The following UBE2L3 variants were observed in gnomAD, a reference collection of about 807,000 sequenced individuals.
UBE2L3 encodes ubiquitin conjugating enzyme E2 L3.
In UBE2L3, 1 loss-of-function variant was observed where a neutral mutation model predicts 17.8. That is an observed-to-expected ratio of 0.06 (90% CI 0.02 to 0.27). The LOEUF is 0.27. UBE2L3 is among the 10% of genes least tolerant of loss of function. The pLI is 1.00. For missense variants in UBE2L3, 40 were observed against 192.6 expected, an observed-to-expected ratio of 0.21 and a Z score of 4.69; for synonymous variants, 44 against 68.5, an observed-to-expected ratio of 0.64 and a Z score of 1.76.
intron 1 of UBE2L3, among the ~76,000 whole-genome samples, chr22:21,583,759 A>G (rs914341811): frequency 1.3e-5 from 2 of 152,220 alleles, no homozygotes; most frequent in Non-Finnish European, 2.9e-5. Context: ...AGGTAGCATT[A>G]AAGAGTTTGG....
At chr22:21,563,509 C>G (rs1926523737), upstream of UBE2L3, among the ~76,000 whole-genome samples, 1 of 146,818 alleles carries the variant, frequency 6.8e-6, no homozygotes, top group Non-Finnish European at 1.5e-5. Flanking sequence ...TTGCAGTGAG[C>G]CGAGATCGCG....
At chr22:21,606,510 G>T (rs1468833443) in intron 2 of UBE2L3, among the ~76,000 whole-genome samples, 1 of 152,122 alleles carries the variant, frequency 6.6e-6, no homozygotes, top group African/African-American at 2.4e-5. Flanking sequence ...AAATGACAAT[G>T]ATGTTTACTT....
intron 2 of UBE2L3, 66 bp downstream of exon 2, chr22:21,593,022 T>G (rs1928341341): frequency 1.0e-5 from 15 of 1,443,282 alleles, no homozygotes. Context: ...GCTGTTGGGC[T>G]TGTTTTTCTG....
chr22:21,578,848 C>G (rs1927466993), intron 1 of UBE2L3, among the ~76,000 whole-genome samples: 1 of 152,076 alleles, frequency 6.6e-6, no homozygotes, highest in African/African-American at 2.4e-5. Context: ...AGTAAGAGTT[C>G]AGATGTAGAT....
At chr22:21,606,023 C>T (rs1929138521) in intron 2 of UBE2L3, among the ~76,000 whole-genome samples, 1 of 152,228 alleles carries the variant, frequency 6.6e-6, no homozygotes, top group Non-Finnish European at 1.5e-5. Flanking sequence ...ACTTTATAGT[C>T]CTTATCTCTC....
rs1928341069 is a variant in UBE2L3 at position 21,593,014 on chromosome 22, T to C, written c.123+58T>C. On this transcript the variant is annotated intron_variant, in intron 2 of 3. Transcript: ENST00000342192. ...TTATTCTTTAAGGTGATGTGTGTGC[T>C]GTTGGGCTTGTTTTTCTGCTCCTTA... 4 of 1,496,602 alleles carry C rather than the reference T, an allele frequency of 2.7e-6. No homozygotes were observed. In the African/African-American group the frequency reaches 5.5e-5, roughly 21 times the overall value. 92.7% of individuals were successfully genotyped at this position (1,496,602 alleles called of 1,614,324 possible). A position where few individuals can be genotyped will look rare whatever the true frequency, so the allele number is the denominator to read the frequency against.
intron 1 of UBE2L3, among the ~76,000 whole-genome samples, chr22:21,571,904 A>G (rs2148401075): frequency 6.6e-6 from 1 of 152,272 alleles, no homozygotes; most frequent in African/African-American, 2.4e-5. Flanking sequence ...CACATGTTTC[A>G]GGAGGTGAGG....
chr22:21,567,447 G>C (rs1926686313), upstream of UBE2L3: 1 of 430,924 alleles, frequency 2.3e-6, no homozygotes, highest in Admixed American at 4.4e-5. Flanking sequence ...ACAGGCGTGA[G>C]CCCCCGCGCC....
chr22:21,567,353 C>T (rs1926680087), upstream of UBE2L3, among the ~76,000 whole-genome samples: 1 of 152,156 alleles, frequency 6.6e-6, no homozygotes, highest in Admixed American at 6.6e-5. Context: ...TTAGTAGAGA[C>T]CGAGTTTCAC....
chr22:21,576,027 G>C (rs1004976787), intron 1 of UBE2L3, among the ~76,000 whole-genome samples: 1 of 151,978 alleles, frequency 6.6e-6, no homozygotes, highest in Non-Finnish European at 1.5e-5. Context: ...TAGTGTGACA[G>C]TCACTGTGTC....
At chr22:21,606,331 G>GGT (rs1208292662) in intron 2 of UBE2L3, among the ~76,000 whole-genome samples, 44 of 151,198 alleles carry the variant, frequency 2.9e-4, no homozygotes, top group African/African-American at 6.0e-4. Context: ...GTGTGTGTGT[G>GGT]GTGTGTGTGT....
chr22:21,609,764 G>A (rs370975292), intron 2 of UBE2L3, among the ~76,000 whole-genome samples: 127 of 151,658 alleles, frequency 8.4e-4, no homozygotes, highest in African/African-American at 3.0e-3. Context: ...AGTGGCTCAC[G>A]CTTATAAACC....
intron 2 of UBE2L3, among the ~76,000 whole-genome samples, chr22:21,605,189 TTTTTG>T (rs1210396462): frequency 1.3e-5 from 2 of 152,114 alleles, no homozygotes; most frequent in African/African-American, 2.4e-5. Context: ...AAAGGACTTG[TTTTTG>T]TTTTGTTTTG....
chr22:21,602,812 C>G (rs1286320458), intron 2 of UBE2L3, among the ~76,000 whole-genome samples: 4 of 152,172 alleles, frequency 2.6e-5, no homozygotes, highest in Non-Finnish European at 5.9e-5. Flanking sequence ...AGGGCCAGTT[C>G]CCCTCGTCCC....
intron 1 of UBE2L3, among the ~76,000 whole-genome samples, chr22:21,572,486 T>C (rs1927034785): frequency 6.6e-6 from 1 of 151,880 alleles, no homozygotes; most frequent in South Asian, 2.1e-4. Context: ...ACTGGGGCCT[T>C]TTCTGATCTT....
In UBE2L3 at chr22:21,604,226, G is replaced by T. The variant is rs560450159; in HGVS notation, c.124-6631G>T. Among the ~76,000 whole-genome samples the T allele has an allele frequency of 2.0e-5, 3 of 152,322 alleles. No individual in the cohort carries two copies. The East Asian group carries it at 5.8e-4, about 29-fold the overall frequency. On this transcript the variant is annotated intron_variant, in intron 2 of 3. Coordinates refer to ENST00000342192, the MANE Select transcript of UBE2L3 (RefSeq NM_003347.4). ...AAGATAATGCTGAAATCAGCTGGGCGTAGTGGCTCACGCCTGTAATCCTAG... is the reference window on the plus strand; with the variant it reads ...AAGATAATGCTGAAATCAGCTGGGCTTAGTGGCTCACGCCTGTAATCCTAG...
chr22:21,583,397 A>G (rs1292391671), intron 1 of UBE2L3, among the ~76,000 whole-genome samples: 1 of 152,182 alleles, frequency 6.6e-6, no homozygotes, highest in Non-Finnish European at 1.5e-5. Context: ...TCCTTTAGGG[A>G]TACTACAGGC....
chr22:21,610,581 C>T (rs1039555251), intron 2 of UBE2L3, among the ~76,000 whole-genome samples: 5 of 152,090 alleles, frequency 3.3e-5, no homozygotes, highest in Admixed American at 3.3e-4. Context: ...CTCAGTTTTG[C>T]TGTATACCTA....
intron 1 of UBE2L3, among the ~76,000 whole-genome samples, chr22:21,559,066 G>A (rs1926339467): frequency 6.6e-6 from 1 of 151,398 alleles, no homozygotes; most frequent in South Asian, 2.1e-4. Context: ...TAAAAGTGAA[G>A]CTGGACATGG....
Sources: gnomAD v4.1 joint callset for allele counts (sites outside exome capture counted in the v4.1 genomes callset) on GRCh38, gnomAD v4.1.1 for gene constraint, MANE v1.5 for transcripts, NCBI Gene and HGNC (gene_info 2026-07-23, HGNC 2026-07-21) for gene names.